Variants in SETD1A observed in about 807,000 individuals in gnomAD.
SETD1A encodes histone-lysine N-methyltransferase SETD1A.
SETD1A carries 29 observed loss-of-function variants against 149.9 expected under a neutral mutation model. The ratio of observed to expected loss-of-function variants is 0.19; its 90% confidence interval spans 0.14 to 0.26. The LOEUF (loss-of-function observed/expected upper bound fraction) is 0.26, where lower values mean the gene tolerates loss of function less well. Ranked by LOEUF, SETD1A falls within the 10% of genes least tolerant of loss-of-function variation. The pLI is 1.00. For synonymous variants in SETD1A, 1,141 were observed against 968.5 expected (o/e 1.18, Z -3.31); for missense variants, 2,109 against 2,353.1 (o/e 0.90, Z 2.15).
chr16:30,966,922 G>A lies in SETD1A; in HGVS notation c.2544G>A (p.Glu848=). 6.4e-7 allele frequency: 1 copy of A among 1,571,712 alleles called. No homozygotes were observed. Among genetic ancestry groups the A allele is most frequent in the Non-Finnish European group, 8.6e-7 (1 of 1,158,794 alleles). ...QNAAKQQAKE[E]DKEKTKLKEP... is the part of the protein sequence containing the mutation. ...CGGCCAAGCAGCAAGCCAAGGAGGA[G>A]GATAAAGAGAAGACGAAGCTGAAGG... Residue 848 remains glutamate (E), a synonymous_variant, in exon 9 of 19, where the codon GAG becomes GAA. Transcript: ENST00000262519.
chr16:30,971,750 C>T lies in SETD1A; in HGVS notation c.3358+31C>T, dbSNP rs771252294. The T allele has an allele frequency of 2.6e-6, 4 of 1,525,798 alleles. No individual in the cohort carries two copies. The South Asian group carries it at 5.2e-5, about 20-fold the overall frequency. 94.5% of individuals were successfully genotyped at this position (1,525,798 alleles called of 1,614,324 possible). ...TGCCACAGGGCTGTCGGTTAGATCG[C>T]TGTGTGTGTGAGAGAGAGAGAGAAA... On this transcript the variant is annotated intron_variant, in intron 13 of 18. Coordinates refer to ENST00000262519, the MANE Select transcript of SETD1A (RefSeq NM_014712.3).
In SETD1A at chr16:30,979,316, C is replaced by T. The variant is rs2056330400; in HGVS notation, c.3530C>T (p.Pro1177Leu). The change falls in exon 14 of 19, where the codon CCA (proline) becomes CTA (leucine). Residue 1177 changes from proline (P) to leucine (L), a missense_variant. Physicochemically the swap from Pro to Leu is moderately conservative, Grantham distance 98. Coordinates refer to ENST00000262519, the MANE Select transcript of SETD1A (RefSeq NM_014712.3). ...TCCTTCTCTGCCATCGAGGTGGTGC[C>T]AGCCCCGGAGCCCCCTCCAGCCACA... ...TVSFSAIEVV[P>L]APEPPPATPP... 6.2e-7 allele frequency: 1 copy of T among 1,613,652 alleles called. No homozygotes were observed. Among genetic ancestry groups the T allele is most frequent in the East Asian group, 2.2e-5 (1 of 44,862 alleles).
At chr16:30,968,117 T>C (rs1264757089) in intron 10 of SETD1A, among the ~76,000 whole-genome samples, 1 of 152,074 alleles carries the variant, frequency 6.6e-6, no homozygotes, top group Non-Finnish European at 1.5e-5. Context: ...TATTTAAAAC[T>C]GTGTGGGCTG....
At chr16:30,981,363 G>C (rs1219398367) in intron 17 of SETD1A, among the ~76,000 whole-genome samples, 183 bp downstream of exon 17, 2 of 152,194 alleles carry the variant, frequency 1.3e-5, no homozygotes, top group Non-Finnish European at 1.5e-5. Context: ...AGGCATGGCT[G>C]ATGGCACTGC....
Position 30,971,431 on chromosome 16 carries a change from G to A in SETD1A, c.3070G>A (p.Asp1024Asn). 1 of 1,612,560 alleles carries A rather than the reference G, an allele frequency of 6.2e-7. No individual in the cohort carries two copies. The highest frequency in any genetic ancestry group is 8.5e-7 in the Non-Finnish European group (1 of 1,178,926). ...SSKCSLYADS[D>N]GENDSTSDSE... ...CAAATGTTCTCTGTATGCTGACTCA[G>A]ATGGCGAAAATGACAGCACATCAGA... The change falls in exon 13 of 19, where the codon GAT becomes AAT. Residue 1024 changes from aspartate to asparagine, a missense_variant. Transcript: ENST00000262519.
At chr16:30,968,068 C>T (rs2056172491) in intron 10 of SETD1A, among the ~76,000 whole-genome samples, 2 of 152,174 alleles carry the variant, frequency 1.3e-5, no homozygotes, top group South Asian at 4.1e-4. Flanking sequence ...CCCTCTTCCA[C>T]CCGACCAGAA....
Position 30,969,391 on chromosome 16 carries a change from G to A in SETD1A, c.2857G>A (p.Gly953Ser). 6.2e-7 allele frequency: 1 copy of A among 1,614,140 alleles called. No homozygotes were observed. The highest frequency in any genetic ancestry group is 8.5e-7 in the Non-Finnish European group (1 of 1,180,006). ...GGACGAAGAGCGAGGCAAGACCCAGGGCAAGCACCGCAAGTCCTTTGCTCT... is the reference window on the plus strand; with the variant it reads ...GGACGAAGAGCGAGGCAAGACCCAGAGCAAGCACCGCAAGTCCTTTGCTCT... The part of the protein sequence containing the change: ...KRDEERGKTQ[G>S]KHRKSFALDS... Residue 953 changes from glycine to serine, a missense_variant, in exon 11 of 19, where the codon GGC becomes AGC. Physicochemically the swap from Gly to Ser is moderately conservative, Grantham distance 56 (BLOSUM62 0). Around this residue, in one of 8 missense-constraint regions of SETD1A, gnomAD observed 832 missense variants for 815.6 expected, o/e 1.02. Transcript: ENST00000262519.
rs2056157861 is a variant in SETD1A at position 30,967,031 on chromosome 16, A to C, written c.2653A>C (p.Arg885=). The C allele has an allele frequency of 1.9e-6, 3 of 1,587,514 alleles. No individual in the cohort carries two copies. The African/African-American group carries it at 4.1e-5, about 21-fold the overall frequency. The change falls in exon 9 of 19, where the codon AGA becomes CGA. Residue 885 remains arginine (R), a synonymous_variant. Coordinates refer to ENST00000262519, the MANE Select transcript of SETD1A (RefSeq NM_014712.3). Reference sequence around the variant, plus strand: ...GGCTTTCGCCTTTGGGTCAGGGCTGAGAGGGGCCCTGCGGCTGCCTTCATT... The same window carrying C: ...GGCTTTCGCCTTTGGGTCAGGGCTGCGAGGGGCCCTGCGGCTGCCTTCATT... The part of the protein sequence containing the change: ...IEAFAFGSGL[R]GALRLPSFKV...
intron 13 of SETD1A, among the ~76,000 whole-genome samples, chr16:30,975,094 G>C (rs1020355408): frequency 8.6e-5 from 13 of 151,862 alleles, no homozygotes; most frequent in African/African-American, 3.1e-4. Context: ...GTAGCCATGA[G>C]CCGAGATCGT....
At chr16:30,982,862 C>T (rs541847834) in intron 17 of SETD1A, among the ~76,000 whole-genome samples, 4 of 152,122 alleles carry the variant, frequency 2.6e-5, no homozygotes, top group Non-Finnish European at 2.9e-5. Flanking sequence ...GGCCCTCTCT[C>T]GGTGCTGCTC....
rs1464308074 is a variant in SETD1A, at chr16:30,965,957, G to A, written c.2076G>A (p.Gln692=). 6 of 1,604,036 alleles carry A rather than the reference G, an allele frequency of 3.7e-6. No homozygotes were observed. The highest frequency in any genetic ancestry group is 1.7e-5 in the Admixed American group (1 of 58,898). The change falls in exon 8 of 19, where the codon CAG becomes CAA. Residue 692 remains glutamine, a synonymous_variant. Coordinates refer to ENST00000262519, the MANE Select transcript of SETD1A (RefSeq NM_014712.3). ...MQTQMLTRLH[Q]LRQGKGLIAA... Reference sequence around the variant, plus strand: ...CCCAGATGTTAACTCGGCTCCATCAGCTGCGGCAGGGCAAGGGATTGATTG... The same window carrying A: ...CCCAGATGTTAACTCGGCTCCATCAACTGCGGCAGGGCAAGGGATTGATTG...
At chr16:30,977,793 G>A (rs957895781) in intron 13 of SETD1A, among the ~76,000 whole-genome samples, 2 of 152,204 alleles carry the variant, frequency 1.3e-5, no homozygotes, top group Admixed American at 6.5e-5. Context: ...CAGGTGAATC[G>A]CTGCCTCCTA....
In SETD1A at chr16:30,965,373, C is replaced by A; in HGVS notation, c.1631C>A (p.Ala544Asp). The A allele has an allele frequency of 6.2e-7, 1 of 1,611,246 alleles. No individual in the cohort carries two copies. The highest frequency in any genetic ancestry group is 8.5e-7 in the Non-Finnish European group (1 of 1,177,642). ...SGHGPCTPPP[A>D]PANFEDVAPT... ...CATGGGCCCTGCACACCCCCTCCGG[C>A]CCCAGCTAATTTTGAGGATGTGGCA... Residue 544 changes from alanine (A) to aspartate (D), a missense_variant, in exon 7 of 19, where the codon GCC (alanine) becomes GAC (aspartate). By Grantham distance (126) the Ala-to-Asp change is moderately radical. Transcript: ENST00000262519.
chr16:30,984,421 T>G lies in SETD1A; in HGVS notation c.*398T>G. 1 of 176,634 alleles carries G rather than the reference T, an allele frequency of 5.7e-6. No individual in the cohort carries two copies. The highest frequency in any genetic ancestry group is 1.2e-5 in the Non-Finnish European group (1 of 82,226). 10.9% of individuals were successfully genotyped at this position (176,634 alleles called of 1,614,324 possible). On this transcript the variant is annotated 3_prime_UTR_variant, in exon 19 of 19. Transcript: ENST00000262519. The stretch of plus-strand genomic sequence containing the variant: ...CCCAGTTTAGGGGTCTCTGGGGCAG[T>G]GGCCATGTTCTCCCCCTGGGGGGGC...
intron 17 of SETD1A, 54 bp downstream of exon 17, chr16:30,981,234 G>A: frequency 1.2e-6 from 2 of 1,604,474 alleles, no homozygotes; most frequent in Non-Finnish European, 1.7e-6. Flanking sequence ...AGACAGCATG[G>A]GGGCTCACAC....
chr16:30,964,024 T>G (rs2056094604), intron 5 of SETD1A, 70 bp from the exon 6 acceptor site: 1 of 1,234,460 alleles, frequency 8.1e-7, no homozygotes, highest in Non-Finnish European at 1.1e-6. Flanking sequence ...GATTCCTGGT[T>G]TGGGAAAGGG....
Position 30,980,174 on chromosome 16 carries a change from C to G in SETD1A, c.4388C>G (p.Thr1463Ser). 1 of 1,608,754 alleles carries G rather than the reference C, an allele frequency of 6.2e-7. No homozygotes were observed. Among genetic ancestry groups the G allele is most frequent in the African/African-American group, 1.3e-5 (1 of 74,858 alleles). ...QTSGADWLNDTHWVHHTITNL... is the reference protein window; with the variant it reads ...QTSGADWLNDSHWVHHTITNL... ...AGCGGGGCTGACTGGCTCAACGACACTCACTGGGTCCATCACACAAATATC... is the reference window on the plus strand; with the variant it reads ...AGCGGGGCTGACTGGCTCAACGACAGTCACTGGGTCCATCACACAAATATC... The change falls in exon 14 of 19, where the codon ACT becomes AGT. Residue 1463 changes from threonine (T) to serine (S), a missense_variant. Transcript: ENST00000262519. This position sits in a 1 kb window ranked among gnomAD's most constrained non-coding sequence, Gnocchi z 7.7.
At position 30,978,925 on chromosome 16, in the gene SETD1A, C is replaced by T. The variant is rs1167030548; in HGVS notation, c.3359-220C>T. ...GGTGTGTGTGTGGACTCCGAGTGTC[C>T]CACACACGTGTCACAGCGGGAACGA... On this transcript the variant is annotated intron_variant, in intron 13 of 18. Transcript: ENST00000262519. Among the ~76,000 whole-genome samples, 9 of 152,322 alleles carry T rather than the reference C, an allele frequency of 5.9e-5. No individual in the cohort carries two copies. In the East Asian group the frequency reaches 7.7e-4, roughly 13 times the overall value.
intron 13 of SETD1A, 88 bp downstream of exon 13, chr16:30,971,807 G>A: frequency 3.5e-6 from 5 of 1,433,446 alleles, no homozygotes; most frequent in Non-Finnish European, 4.6e-6. Flanking sequence ...GTGTACAAGT[G>A]TGTGACTTTA....
Sources: gnomAD v4.1 joint callset for allele counts (sites outside exome capture counted in the v4.1 genomes callset) on GRCh38, gnomAD v4.1.1 for gene constraint, gnomAD v4.1.1 regional missense constraint, Gnocchi (gnomAD v3.1) non-coding constraint, MANE v1.5 for transcripts, NCBI Gene and HGNC (gene_info 2026-07-23, HGNC 2026-07-21) for gene names.